The following ACVR2B variants were observed in gnomAD, a reference collection of about 807,000 sequenced individuals.
ACVR2B encodes activin receptor type-2B.
Under a neutral mutation model 65.1 loss-of-function variants are expected in ACVR2B, and 18 were observed. The observed-to-expected ratio is 0.28, with a 90% confidence interval of 0.19 to 0.41. ACVR2B has a LOEUF of 0.41. ACVR2B is among the 10% of genes least tolerant of loss of function. The pLI is 1.00. For missense variants in ACVR2B, 482 were observed against 682.7 expected (o/e 0.71, Z 3.28); for synonymous variants, 298 against 277.7 (o/e 1.07, Z -0.73).
rs1054601246 is a variant in ACVR2B, at chr3:38,490,777, C to T, written c.*7445C>T. 6.6e-6 allele frequency: 1 copy of T among 152,620 alleles called. No individual in the cohort carries two copies. The highest frequency in any genetic ancestry group is 1.5e-5 in the Non-Finnish European group (1 of 68,070). The allele number at this position is 152,620 out of a possible 1,614,324, so 9.5% of individuals were successfully genotyped here. On this transcript the variant is annotated 3_prime_UTR_variant, in exon 11 of 11. Coordinates refer to ENST00000352511, the MANE Select transcript of ACVR2B (RefSeq NM_001106.4). ...GTACACATGCAGGAACCCTGCTGAG[C>T]GTGGGCACTTGTTTTAAAGCAAAAC...
At chr3:38,478,604 C>G in intron 5 of ACVR2B, 86 bp downstream of exon 5, 2 of 1,578,606 alleles carry the variant, frequency 1.3e-6, no homozygotes, top group Non-Finnish European at 8.7e-7. Context: ...CAATCCAAAC[C>G]CCAAATAATA....
In ACVR2B at chr3:38,490,369, T is replaced by C. The variant is rs1472388220; in HGVS notation, c.*7037T>C. 3 of 152,588 alleles carry C rather than the reference T, an allele frequency of 2.0e-5. No individual in the cohort carries two copies. The highest frequency in any genetic ancestry group is 4.4e-5 in the Non-Finnish European group (3 of 68,038). The allele number at this position is 152,588 out of a possible 1,614,324, so 9.5% of individuals were successfully genotyped here. ...CATTTTAAACCAGCTGTGCTTTTTA[T>C]TCATTCTGGTTGAGCGTATAGGTTT... On this transcript the variant is annotated 3_prime_UTR_variant, in exon 11 of 11. Coordinates refer to ENST00000352511, the MANE Select transcript of ACVR2B (RefSeq NM_001106.4).
rs528052523 is a variant in ACVR2B, at chr3:38,454,795, T to A, written c.52+421T>A. ...GCAGCAGCATGCGGGGAGGGTTGCA[T>A]GTCCCTCAGAGTCACTAAGTGTAGC... On this transcript the variant is annotated intron_variant, in intron 1 of 10. Transcript: ENST00000352511. 1.4e-4 allele frequency: 22 copies of A among 158,754 alleles called. 2 individuals carry two copies. The South Asian group carries it at 3.3e-3, about 24-fold the overall frequency. The allele number at this position is 158,754 out of a possible 1,614,324, so 9.8% of individuals were successfully genotyped here.
intron 1 of ACVR2B, among the ~76,000 whole-genome samples, chr3:38,462,222 TAAATA>T (rs1234300980): frequency 1.3e-5 from 2 of 148,526 alleles, no homozygotes; most frequent in South Asian, 2.1e-4. Flanking sequence ...AACAAACAAA[TAAATA>T]AATAAATAAA....
chr3:38,486,436 G>C lies in ACVR2B; in HGVS notation c.*3104G>C, dbSNP rs947555527. 3.3e-5 allele frequency: 5 copies of C among 152,466 alleles called. No individual in the cohort carries two copies. The South Asian group carries it at 6.2e-4, about 19-fold the overall frequency. The allele number at this position is 152,466 out of a possible 1,614,324, so 9.4% of individuals were successfully genotyped here. A position where few individuals can be genotyped will look rare whatever the true frequency, so the allele number is the denominator to read the frequency against. On this transcript the variant is annotated 3_prime_UTR_variant, in exon 11 of 11. Transcript: ENST00000352511. Reference sequence around the variant, plus strand: ...CCGGGTAAATGCTTGTCTGTTTGCTGTCATGTGTTCTTTGAGGAGTGAGCC... The same window carrying C: ...CCGGGTAAATGCTTGTCTGTTTGCTCTCATGTGTTCTTTGAGGAGTGAGCC...
chr3:38,482,595 G>T, intron 10 of ACVR2B, 35 bp downstream of exon 10: 1 of 1,602,882 alleles, frequency 6.2e-7, no homozygotes, highest in Non-Finnish European at 8.5e-7. Flanking sequence ...TTGCAGGGGG[G>T]TGGAGAAGGG....
chr3:38,472,964 C>T (rs1047399810), intron 1 of ACVR2B, among the ~76,000 whole-genome samples: 14 of 152,148 alleles, frequency 9.2e-5, no homozygotes, highest in Admixed American at 5.9e-4. Context: ...CCAAACTAGC[C>T]GGCTTAGGTT....
intron 1 of ACVR2B, among the ~76,000 whole-genome samples, chr3:38,467,509 T>C (rs1709751573): frequency 6.6e-6 from 1 of 151,606 alleles, no homozygotes; most frequent in South Asian, 2.1e-4. Flanking sequence ...CCCAGCACTT[T>C]GGTGGTTCAA....
At chr3:38,480,435 A>G (rs1450487913) in intron 7 of ACVR2B, among the ~76,000 whole-genome samples, 3 of 152,196 alleles carry the variant, frequency 2.0e-5, no homozygotes, top group African/African-American at 7.2e-5. Flanking sequence ...GAGAAGTATC[A>G]ATTCATTTGA....
At chr3:38,468,545 A>G (rs1709769627) in intron 1 of ACVR2B, among the ~76,000 whole-genome samples, 2 of 152,206 alleles carry the variant, frequency 1.3e-5, no homozygotes, top group African/African-American at 2.4e-5. Context: ...AGGGGCAACC[A>G]TGATGAGTGG....
rs1466223550 is a variant in ACVR2B at position 38,490,057 on chromosome 3, G to C, written c.*6725G>C. Reference sequence around the variant, plus strand: ...GCAGAGCATCTTTCAGATAGCTCCAGAGTTTTCCTGCTTTTCTGAGGAAGC... The same window carrying C: ...GCAGAGCATCTTTCAGATAGCTCCACAGTTTTCCTGCTTTTCTGAGGAAGC... On this transcript the variant is annotated 3_prime_UTR_variant, in exon 11 of 11. Coordinates refer to ENST00000352511, the MANE Select transcript of ACVR2B (RefSeq NM_001106.4). 3.9e-5 allele frequency: 6 copies of C among 152,216 alleles called. No homozygotes were observed. The highest frequency in any genetic ancestry group is 1.4e-4 in the African/African-American group (6 of 41,444). 9.4% of individuals were successfully genotyped at this position (152,216 alleles called of 1,614,324 possible).
intron 1 of ACVR2B, among the ~76,000 whole-genome samples, chr3:38,472,701 C>A (rs1485235906): frequency 2.0e-5 from 3 of 152,168 alleles, no homozygotes; most frequent in Admixed American, 2.0e-4. Context: ...GAGACACTGG[C>A]TGGACTGGGG....
In ACVR2B at chr3:38,454,356, T is replaced by G; in HGVS notation, c.34T>G (p.Trp12Gly). ...TAPWVALALL[W>G]GSLCAGSGRG... ...GCCCTGGGTGGCCCTCGCCCTCCTCTGGGGATCGCTGTGCGCCGGTAAGAA... is the reference window on the plus strand; with the variant it reads ...GCCCTGGGTGGCCCTCGCCCTCCTCGGGGGATCGCTGTGCGCCGGTAAGAA... The change falls in exon 1 of 11, where the codon TGG becomes GGG. Residue 12 changes from tryptophan to glycine, a missense_variant. Trp to Gly is a radical substitution (Grantham distance 184). Transcript: ENST00000352511. 1 of 1,285,564 alleles carries G rather than the reference T, an allele frequency of 7.8e-7. No homozygotes were observed. Among genetic ancestry groups the G allele is most frequent in the South Asian group, 2.6e-5 (1 of 38,016 alleles). The allele number at this position is 1,285,564 out of a possible 1,614,324, so 79.6% of individuals were successfully genotyped here.
In ACVR2B at chr3:38,483,595, T is replaced by G. The variant is rs1710061437; in HGVS notation, c.*263T>G. On this transcript the variant is annotated 3_prime_UTR_variant, in exon 11 of 11. Transcript: ENST00000352511. This position sits in a 1 kb window ranked among gnomAD's most constrained non-coding sequence, Gnocchi z 4.8. ...GTCAGCAGGCGTTGAGGTGCTGAGC[T>G]GTGGATGCAGAACCAGCGCCATGCT... 6.0e-6 allele frequency: 1 copy of G among 167,612 alleles called. No individual in the cohort carries two copies. The highest frequency in any genetic ancestry group is 2.4e-5 in the African/African-American group (1 of 41,638). The allele number at this position is 167,612 out of a possible 1,614,324, so 10.4% of individuals were successfully genotyped here.
At chr3:38,465,480 A>G (rs1167212805) in intron 1 of ACVR2B, among the ~76,000 whole-genome samples, 1 of 152,134 alleles carries the variant, frequency 6.6e-6, no homozygotes, top group East Asian at 1.9e-4. Flanking sequence ...GCTGAAAACT[A>G]TAAACCAAAG....
At position 38,485,513 on chromosome 3, in the gene ACVR2B, T is replaced by TA. The variant is rs1223999208; in HGVS notation, c.*2182dup. On this transcript the variant is annotated 3_prime_UTR_variant, in exon 11 of 11. Transcript: ENST00000352511. Reference sequence around the variant, plus strand: ...TGTGCTATGTTCAGTGTCTGGGGCTTACTGCCCCGGGGTCCTTTCCTCTGG... The same window carrying TA: ...TGTGCTATGTTCAGTGTCTGGGGCTTAACTGCCCCGGGGTCCTTTCCTCTGG... 6.6e-6 allele frequency: 1 copy of TA among 152,102 alleles called. No homozygotes were observed. Among genetic ancestry groups the TA allele is most frequent in the Non-Finnish European group, 1.5e-5 (1 of 68,048 alleles). 9.4% of individuals were successfully genotyped at this position (152,102 alleles called of 1,614,324 possible).
At chr3:38,478,982 C>A in intron 5 of ACVR2B, 146 bp from the exon 6 acceptor site, 1 of 1,077,262 alleles carries the variant, frequency 9.3e-7, no homozygotes, top group Non-Finnish European at 1.4e-6. Flanking sequence ...CTTACAAATG[C>A]TGAAGCTGGG....
chr3:38,474,538 G>A (rs1559651486), intron 1 of ACVR2B: 1 of 152,258 alleles, frequency 6.6e-6, no homozygotes, highest in Non-Finnish European at 1.5e-5. Context: ...TGCCACTTAG[G>A]ACGGCAAGGG....
chr3:38,477,851 G>T lies in ACVR2B; in HGVS notation c.261-10G>T. On this transcript the variant is annotated splice_polypyrimidine_tract_variant and intron_variant, in intron 2 of 10. Transcript: ENST00000352511. The surrounding 1 kb of genome is among the most constrained non-coding windows in gnomAD (Gnocchi z 6.7). ...AGGTGAGGGGTATATGGAAAATTCTGTGCCTCCAGGCAGGAGTGTGTGGCC... is the reference window on the plus strand; with the variant it reads ...AGGTGAGGGGTATATGGAAAATTCTTTGCCTCCAGGCAGGAGTGTGTGGCC... 2 of 1,613,838 alleles carry T rather than the reference G, an allele frequency of 1.2e-6. No individual in the cohort carries two copies. Among genetic ancestry groups the T allele is most frequent in the Non-Finnish European group, 1.7e-6 (2 of 1,179,828 alleles).
Sources: gnomAD v4.1 joint callset for allele counts (sites outside exome capture counted in the v4.1 genomes callset) on GRCh38, gnomAD v4.1.1 for gene constraint, Gnocchi (gnomAD v3.1) non-coding constraint, MANE v1.5 for transcripts, NCBI Gene and HGNC (gene_info 2026-07-23, HGNC 2026-07-21) for gene names.